Variants in SLC4A3 observed in about 807,000 individuals in gnomAD.
The protein encoded by SLC4A3 is anion exchange protein 3.
In SLC4A3, 47 loss-of-function variants were observed where a neutral mutation model predicts 114.2. That is an observed-to-expected ratio of 0.41 (90% confidence interval 0.33 to 0.52). SLC4A3 has a LOEUF of 0.52. SLC4A3 is among the 20% of genes least tolerant of loss of function. The pLI is 0.21. For synonymous variants in SLC4A3, 693 were observed against 710.3 expected (o/e 0.98, Z 0.39); for missense variants, 1,312 against 1,668.3 (o/e 0.79, Z 3.72).
Position 219,628,685 on chromosome 2 carries a change from G to C in SLC4A3, c.217+115G>C. On this transcript the variant is annotated intron_variant, in intron 3 of 22. Coordinates refer to ENST00000358055, the MANE Select transcript of SLC4A3 (RefSeq NM_005070.4). This position sits in a 1 kb window ranked among gnomAD's most constrained non-coding sequence, Gnocchi z 4.8. ...CCAGTGCCATCCTGTGCCGGACACT[G>C]TGCTGGACTCTGTGCTGGGCCACAT... The C allele has an allele frequency of 9.4e-7, 1 of 1,067,506 alleles. No homozygotes were observed. Among genetic ancestry groups the C allele is most frequent in the South Asian group, 1.4e-5 (1 of 70,140 alleles). The allele number at this position is 1,067,506 out of a possible 1,614,324, so 66.1% of individuals were successfully genotyped here.
Position 219,641,570 on chromosome 2 carries a change from T to C in SLC4A3, c.3622-81T>C. The C allele has an allele frequency of 8.9e-7, 1 of 1,124,930 alleles. No homozygotes were observed. The highest frequency in any genetic ancestry group is 1.3e-6 in the Non-Finnish European group (1 of 742,392). The allele number at this position is 1,124,930 out of a possible 1,614,324, so 69.7% of individuals were successfully genotyped here. On this transcript the variant is annotated intron_variant, in intron 22 of 22. Coordinates refer to ENST00000358055, the MANE Select transcript of SLC4A3 (RefSeq NM_005070.4). This position sits in a 1 kb window ranked among gnomAD's most constrained non-coding sequence, Gnocchi z 4.0. ...GGAAAGGTCAGGGAGCAGGGAGGGCTGCAGGTTGGAGGAGGAGCTGGAGAA... is the reference window on the plus strand; with the variant it reads ...GGAAAGGTCAGGGAGCAGGGAGGGCCGCAGGTTGGAGGAGGAGCTGGAGAA...
rs777282781 is a variant in SLC4A3, at chr2:219,634,527, G to A, written c.1669G>A (p.Val557Met). 24 of 1,614,082 alleles carry A rather than the reference G, an allele frequency of 1.5e-5. No homozygotes were observed. Among genetic ancestry groups the A allele is most frequent in the South Asian group, 3.3e-5 (3 of 91,086 alleles). ...EVPVPVRFLF[V>M]MLGPSHTSTD... Reference sequence around the variant, plus strand: ...CCCTGTCCCGGTCCGCTTCCTCTTCGTGATGCTGGGGCCCAGCCACACCAG... The same window carrying A: ...CCCTGTCCCGGTCCGCTTCCTCTTCATGATGCTGGGGCCCAGCCACACCAG... The change falls in exon 12 of 23, where the codon GTG (valine) becomes ATG (methionine). Residue 557 changes from valine to methionine, a missense_variant. This residue lies in a region of SLC4A3 where 771 missense variants were observed against 977.7 expected (regional missense o/e 0.79). Coordinates refer to ENST00000358055, the MANE Select transcript of SLC4A3 (RefSeq NM_005070.4).
chr2:219,639,723 G>A lies in SLC4A3; in HGVS notation c.3265G>A (p.Ala1089Thr), dbSNP rs1351741161. 3.7e-6 allele frequency: 6 copies of A among 1,607,058 alleles called. No homozygotes were observed. The highest frequency in any genetic ancestry group is 1.8e-4 in the Middle Eastern group (1 of 5,606). The change falls in exon 20 of 23, where the codon GCC (alanine) becomes ACC (threonine). Residue 1089 changes from alanine to threonine, a missense_variant. Physicochemically the swap from Ala to Thr is moderately conservative, Grantham distance 58. Transcript: ENST00000358055. This position sits in a 1 kb window ranked among gnomAD's most constrained non-coding sequence, Gnocchi z 5.9. ...GCAGCGGGTCACTGGTGTGCTCATC[G>A]CCAGCCTCGTGGGTGAGAGCCCGCC... ...REQRVTGVLI[A>T]SLVGLSIVMG...
chr2:219,639,720 A>C lies in SLC4A3; in HGVS notation c.3262A>C (p.Ile1088Leu). ...GGAGCAGCGGGTCACTGGTGTGCTCATCGCCAGCCTCGTGGGTGAGAGCCC... is the reference window on the plus strand; with the variant it reads ...GGAGCAGCGGGTCACTGGTGTGCTCCTCGCCAGCCTCGTGGGTGAGAGCCC... ...VREQRVTGVL[I>L]ASLVGLSIVM... The change falls in exon 20 of 23, where the codon ATC becomes CTC. Residue 1088 changes from isoleucine to leucine, a missense_variant. Physicochemically the swap from Ile to Leu is conservative, Grantham distance 5. This residue lies in a region of SLC4A3 where 301 missense variants were observed against 460.7 expected (regional missense o/e 0.65). Coordinates refer to ENST00000358055, the MANE Select transcript of SLC4A3 (RefSeq NM_005070.4). This position sits in a 1 kb window ranked among gnomAD's most constrained non-coding sequence, Gnocchi z 5.9. 6.2e-7 allele frequency: 1 copy of C among 1,607,962 alleles called. No homozygotes were observed. The highest frequency in any genetic ancestry group is 8.5e-7 in the Non-Finnish European group (1 of 1,179,402).
At position 219,629,221 on chromosome 2, in the gene SLC4A3, C is replaced by T. The variant is rs775057654; in HGVS notation, c.295C>T (p.Pro99Ser). The T allele has an allele frequency of 9.3e-6, 15 of 1,612,786 alleles. No individual in the cohort carries two copies. Among genetic ancestry groups the T allele is most frequent in the Middle Eastern group, 1.6e-4 (1 of 6,080 alleles). The change falls in exon 4 of 23, where the codon CCC becomes TCC. Residue 99 changes from proline (P) to serine (S), a missense_variant. Pro to Ser is a moderately conservative substitution (Grantham distance 74, BLOSUM62 -1). This residue lies in a region of SLC4A3 where 236 missense variants were observed against 212.1 expected (regional missense o/e 1.11). Transcript: ENST00000358055. ...TCCACCCCACAAGCTGCGGCGGCTG[C>T]CCCCCACCTCTGCCCGGCACACCAG... ...LPPPHKLRRL[P>S]PTSARHTRRK...
Position 219,636,450 on chromosome 2 carries a change from G to C in SLC4A3, c.2340G>C (p.Lys780Asn). The C allele has an allele frequency of 6.2e-7, 1 of 1,603,830 alleles. No homozygotes were observed. Among genetic ancestry groups the C allele is most frequent in the Non-Finnish European group, 8.5e-7 (1 of 1,175,404 alleles). The change falls in exon 15 of 23, where the codon AAG becomes AAC. Residue 780 changes from lysine (K) to asparagine (N), a missense_variant and splice_region_variant. Lys to Asn is a moderately conservative substitution (Grantham distance 94). This residue lies in a region of SLC4A3 where 771 missense variants were observed against 977.7 expected (regional missense o/e 0.79). Coordinates refer to ENST00000358055, the MANE Select transcript of SLC4A3 (RefSeq NM_005070.4). The surrounding 1 kb of genome is among the most constrained non-coding windows in gnomAD (Gnocchi z 5.5). ...TTGTGTTTGAGGAAGCCTTCTTCAA[G>C]GTGAGGCGAAGCCTTGCCCTGCTCC... is the stretch of plus-strand genomic sequence containing the variant. ...PLLVFEEAFF[K>N]FCRAQDLEYL...
chr2:219,634,964 T>A (rs1699064929), intron 12 of SLC4A3, among the ~76,000 whole-genome samples: 1 of 152,192 alleles, frequency 6.6e-6, no homozygotes, highest in South Asian at 2.1e-4. Flanking sequence ...CTGTAAGGTG[T>A]AGCTGATCCA....
chr2:219,630,768 C>G lies in SLC4A3; in HGVS notation c.811+416C>G, dbSNP rs1698889744. Among the ~76,000 whole-genome samples the G allele has an allele frequency of 6.6e-6, 1 of 152,180 alleles. No homozygotes were observed. The highest frequency in any genetic ancestry group is 1.5e-5 in the Non-Finnish European group (1 of 68,040). ...TGTGTCAGGACCCTTCACTCCCATC[C>G]CACTACCCTTGGGGGGGGCCTGGCT... On this transcript the variant is annotated intron_variant, in intron 6 of 22. Transcript: ENST00000358055. This position sits in a 1 kb window ranked among gnomAD's most constrained non-coding sequence, Gnocchi z 6.9.
In SLC4A3 at chr2:219,633,430, C is replaced by T. The variant is rs140206064; in HGVS notation, c.1434C>T (p.Leu478=). The T allele has an allele frequency of 1.9e-6, 3 of 1,565,868 alleles. No individual in the cohort carries two copies. The African/African-American group carries it at 4.1e-5, about 21-fold the overall frequency. ...MADDLGEPAP[L]WPHDPDAKEK... ...ATGACCTGGGGGAGCCAGCCCCACT[C>T]TGGCCACATGACCCTGACGCCAAGG... is the stretch of plus-strand genomic sequence containing the variant. The change falls in exon 10 of 23, where the codon CTC becomes CTT. Residue 478 remains leucine (L), a synonymous_variant. Transcript: ENST00000358055.
chr2:219,635,122 C>T, intron 12 of SLC4A3, 149 bp from the exon 13 acceptor site: 1 of 647,620 alleles, frequency 1.5e-6, no homozygotes, highest in East Asian at 2.7e-5. Context: ...TGTCAGTGTT[C>T]CAACAGCCAA....
At chr2:219,640,177 C>T (rs1050730445) in intron 20 of SLC4A3, among the ~76,000 whole-genome samples, 1 of 152,098 alleles carries the variant, frequency 6.6e-6, no homozygotes, top group Admixed American at 6.5e-5. Context: ...GATCCACCCA[C>T]CTCGGCCTCC....
intron 3 of SLC4A3, 104 bp from the exon 4 acceptor site, chr2:219,629,040 G>A: frequency 7.3e-7 from 1 of 1,363,806 alleles, no homozygotes; most frequent in Non-Finnish European, 9.7e-7. Context: ...GGAAGGACTA[G>A]GGTGCCCTTG....
Position 219,637,289 on chromosome 2 carries a change from GCA to G in SLC4A3, c.2536-291_2536-290del, listed in dbSNP as rs1699153907. Among the ~76,000 whole-genome samples the G allele has an allele frequency of 1.3e-5, 2 of 151,194 alleles. No individual in the cohort carries two copies. The highest frequency in any genetic ancestry group is 4.2e-4 in the South Asian group (2 of 4,758). On this transcript the variant is annotated intron_variant, in intron 16 of 22. Coordinates refer to ENST00000358055, the MANE Select transcript of SLC4A3 (RefSeq NM_005070.4). The surrounding 1 kb of genome is among the most constrained non-coding windows in gnomAD (Gnocchi z 4.6). ...TGTGTGCGTGTGTGTGCCTGTGTGTGCATGTTGTGTGTGTTGTGTGTATGTAT... is the reference window on the plus strand; with the variant it reads ...TGTGTGCGTGTGTGTGCCTGTGTGTGTGTTGTGTGTGTTGTGTGTATGTAT...
Position 219,629,400 on chromosome 2 carries a change from A to G in SLC4A3, c.474A>G (p.Ser158=). 1 of 1,584,170 alleles carries G rather than the reference A, an allele frequency of 6.3e-7. No individual in the cohort carries two copies. Among genetic ancestry groups the G allele is most frequent in the Admixed American group, 1.8e-5 (1 of 56,624 alleles). ...SEAEPVEPPH[S]GTPQKAKFSI... is the part of the protein sequence containing the mutation. ...CAGAACCTGTGGAGCCCCCCCACTC[A>G]GGGACCCCACAGAAGGCAAAGGTAG... Residue 158 remains serine, a synonymous_variant, in exon 4 of 23, where the codon TCA becomes TCG. Coordinates refer to ENST00000358055, the MANE Select transcript of SLC4A3 (RefSeq NM_005070.4).
chr2:219,629,998 T>A (rs1299119969), intron 5 of SLC4A3, 155 bp from the exon 6 acceptor site: 5 of 1,399,924 alleles, frequency 3.6e-6, no homozygotes, highest in Non-Finnish European at 3.8e-6. Flanking sequence ...AGCCACGGGA[T>A]GGGGAGGGGG....
intron 11 of SLC4A3, 105 bp from the exon 12 acceptor site, chr2:219,634,315 G>GTTTC: frequency 8.5e-7 from 1 of 1,179,382 alleles, no homozygotes; most frequent in Non-Finnish European, 1.2e-6. Flanking sequence ...TCTTTGCGCA[G>GTTTC]TTTACAACCT....
At position 219,639,819 on chromosome 2, in the gene SLC4A3, T is replaced by A; in HGVS notation, c.3277+84T>A. 1.1e-5 allele frequency: 17 copies of A among 1,524,928 alleles called. No homozygotes were observed. Among genetic ancestry groups the A allele is most frequent in the Non-Finnish European group, 1.5e-5 (17 of 1,131,950 alleles). 94.5% of individuals were successfully genotyped at this position (1,524,928 alleles called of 1,614,324 possible). A position where few individuals can be genotyped will look rare whatever the true frequency, so the allele number is the denominator to read the frequency against. On this transcript the variant is annotated intron_variant, in intron 20 of 22. Transcript: ENST00000358055. This position sits in a 1 kb window ranked among gnomAD's most constrained non-coding sequence, Gnocchi z 5.9. ...TCACTATCCCAGGCTTGACCCTGAATCTCCCAATGTGCTGTGTGTTGCCCT... is the reference window on the plus strand; with the variant it reads ...TCACTATCCCAGGCTTGACCCTGAAACTCCCAATGTGCTGTGTGTTGCCCT...
chr2:219,635,728 G>A lies in SLC4A3; in HGVS notation c.2028G>A (p.Leu676=). The A allele has an allele frequency of 1.9e-6, 3 of 1,597,020 alleles. No individual in the cohort carries two copies. Among genetic ancestry groups the A allele is most frequent in the Non-Finnish European group, 2.6e-6 (3 of 1,174,424 alleles). The change falls in exon 14 of 23, where the codon CTG becomes CTA. Residue 676 remains leucine (L), a synonymous_variant. Coordinates refer to ENST00000358055, the MANE Select transcript of SLC4A3 (RefSeq NM_005070.4). ...CAACCCCTGAAGATGACCCCTTGCTGCGGACGGGCTCGGTATTTGGGGGGC... is the reference window on the plus strand; with the variant it reads ...CAACCCCTGAAGATGACCCCTTGCTACGGACGGGCTCGGTATTTGGGGGGC... ...SEATPEDDPL[L]RTGSVFGGLV... is the part of the protein sequence containing the mutation.
In SLC4A3 at chr2:219,638,845, T is replaced by C. The variant is rs1462898458; in HGVS notation, c.2999T>C (p.Ile1000Thr). Residue 1000 changes from isoleucine to threonine, a missense_variant, in exon 19 of 23, where the codon ATC (isoleucine) becomes ACC (threonine). Ile to Thr is a moderately conservative substitution (Grantham distance 89). Around this residue, in one of 4 missense-constraint regions of SLC4A3, gnomAD observed 301 missense variants for 460.7 expected, o/e 0.65. Coordinates refer to ENST00000358055, the MANE Select transcript of SLC4A3 (RefSeq NM_005070.4). The surrounding 1 kb of genome is among the most constrained non-coding windows in gnomAD (Gnocchi z 7.5). ...AVPALLVLIL[I>T]FMETQITALI... is the part of the protein sequence containing the mutation. ...CCCGCCCTCCTCGTCCTCATCCTGA[T>C]CTTCATGGAGACACAGATCACGGCG... 2 of 1,613,950 alleles carry C rather than the reference T, an allele frequency of 1.2e-6. No homozygotes were observed. Among genetic ancestry groups the C allele is most frequent in the South Asian group, 2.2e-5 (2 of 91,078 alleles).
Sources: gnomAD v4.1 joint callset for allele counts (sites outside exome capture counted in the v4.1 genomes callset) on GRCh38, gnomAD v4.1.1 for gene constraint, gnomAD v4.1.1 regional missense constraint, Gnocchi (gnomAD v3.1) non-coding constraint, MANE v1.5 for transcripts, NCBI Gene and HGNC (gene_info 2026-07-23, HGNC 2026-07-21) for gene names.